Variants in MAST2 observed in about 807,000 individuals in gnomAD.
MAST2 encodes the protein microtubule associated serine/threonine kinase 2.
Under a neutral mutation model 147.4 loss-of-function variants are expected in MAST2, and 70 were observed. That is an observed-to-expected ratio of 0.47 (90% CI 0.39 to 0.58). The LOEUF (loss-of-function observed/expected upper bound fraction) is 0.58, where lower values mean the gene tolerates loss of function less well. Among genes scored for constraint, MAST2 ranks in the 20% least tolerant of loss-of-function variants. The pLI is 0.00. For missense variants in MAST2, 2,080 were observed against 2,302.3 expected (o/e 0.90, Z 1.98); for synonymous variants, 869 against 896.8 (o/e 0.97, Z 0.55).
chr1:46,028,664 A>C (rs914631557), intron 17 of MAST2, 104 bp from the exon 18 acceptor site: 89 of 1,231,202 alleles, frequency 7.2e-5, no homozygotes, highest in Non-Finnish European at 8.4e-5. Context: ...CTGAGTCTTC[A>C]TTCAGAGATT....
chr1:45,945,070 C>CA, intron 4 of MAST2, among the ~76,000 whole-genome samples: 1 of 152,210 alleles, frequency 6.6e-6, no homozygotes, highest in East Asian at 1.9e-4. Context: ...GAGACTGAGG[C>CA]AGGAGGGTCA....
At chr1:45,974,122 G>A (rs929214175) in intron 5 of MAST2, among the ~76,000 whole-genome samples, 9 of 152,122 alleles carry the variant, frequency 5.9e-5, no homozygotes, top group Non-Finnish European at 1.3e-4. Flanking sequence ...CAAGAGAAAG[G>A]AGAATGGCTG....
intron 4 of MAST2, among the ~76,000 whole-genome samples, chr1:45,939,499 G>A (rs938074589): frequency 6.9e-6 from 1 of 145,914 alleles, no homozygotes; most frequent in South Asian, 2.2e-4. Flanking sequence ...TGGGTGCTTT[G>A]TGTTGCTATA....
At chr1:45,962,331 C>T (rs373398085) in intron 5 of MAST2, among the ~76,000 whole-genome samples, 2 of 151,944 alleles carry the variant, frequency 1.3e-5, no homozygotes, top group Non-Finnish European at 2.9e-5. Flanking sequence ...TTCTAGATCC[C>T]TGAGGAATCG....
chr1:45,985,576 A>G lies in MAST2; in HGVS notation c.593-12148A>G, dbSNP rs191708763. On this transcript the variant is annotated intron_variant, in intron 5 of 28. Transcript: ENST00000361297. ...TAGAATTTTATCTAAATGGAGTTAT[A>G]TAGTATGTACTGTGTTTTTTGTCTG... Among the ~76,000 whole-genome samples the G allele has an allele frequency of 5.9e-5, 9 of 152,338 alleles. No homozygotes were observed. In the East Asian group the frequency reaches 1.5e-3, roughly 26 times the overall value.
intron 4 of MAST2, among the ~76,000 whole-genome samples, chr1:45,951,292 AAAG>A (rs773584338): frequency 2.3e-4 from 35 of 152,006 alleles, no homozygotes; most frequent in African/African-American, 1.9e-4. Flanking sequence ...TAAGAATATA[AAAG>A]AAGGAGGCTG....
intron 4 of MAST2, among the ~76,000 whole-genome samples, chr1:45,885,235 T>C (rs1045683896): frequency 2.0e-5 from 3 of 152,180 alleles, no homozygotes; most frequent in African/African-American, 4.8e-5. Context: ...TTGCCTTTCT[T>C]AGAATGGTTC....
intron 3 of MAST2, among the ~76,000 whole-genome samples, chr1:45,836,048 A>C (rs560922775): frequency 1.4e-3 from 219 of 152,264 alleles, no homozygotes; most frequent in Non-Finnish European, 2.2e-3. Context: ...GCCATTGTGA[A>C]TAGTACTGCT....
intron 10 of MAST2, among the ~76,000 whole-genome samples, chr1:46,015,016 G>A (rs1209716074): frequency 6.6e-6 from 1 of 151,748 alleles, no homozygotes; most frequent in Non-Finnish European, 1.5e-5. Context: ...TCAGGATTAA[G>A]AAACTCACTC....
At chr1:46,024,214 T>C in intron 15 of MAST2, 1 of 515,164 alleles carries the variant, frequency 1.9e-6, no homozygotes, top group Non-Finnish European at 3.5e-6. Context: ...GGCCAGCAGC[T>C]ATAGAATCTT....
intron 10 of MAST2, among the ~76,000 whole-genome samples, chr1:46,015,801 G>C (rs920949025): frequency 6.6e-6 from 1 of 152,166 alleles, no homozygotes; most frequent in Admixed American, 6.5e-5. Flanking sequence ...TAGAAAAAGA[G>C]GGAATCCTCC....
intron 18 of MAST2, chr1:46,029,175 T>G (rs1024755931): frequency 1.6e-5 from 9 of 553,148 alleles, no homozygotes; most frequent in African/African-American, 1.5e-4. Context: ...ACCTGGGTGT[T>G]CCTGTCTGTG....
chr1:45,837,825 C>T (rs1014359870), intron 3 of MAST2, among the ~76,000 whole-genome samples: 1 of 152,128 alleles, frequency 6.6e-6, no homozygotes, highest in African/African-American at 2.4e-5. Context: ...GTTGCCCAGG[C>T]TAAAGTGCCG....
chr1:45,859,405 G>A (rs1212598710), intron 3 of MAST2, among the ~76,000 whole-genome samples: 1 of 152,164 alleles, frequency 6.6e-6, no homozygotes, highest in African/African-American at 2.4e-5. Flanking sequence ...TGGCCCTTGA[G>A]CTGGGTTTTG....
At chr1:45,877,990 G>C (rs1012266437) in intron 3 of MAST2, among the ~76,000 whole-genome samples, 2 of 152,148 alleles carry the variant, frequency 1.3e-5, no homozygotes, top group African/African-American at 4.8e-5. Context: ...GATCACCTGA[G>C]GTCAGGAGTT....
chr1:45,872,482 G>GTTT (rs796554757), intron 3 of MAST2, among the ~76,000 whole-genome samples: 1 of 140,712 alleles, frequency 7.1e-6, no homozygotes, highest in Admixed American at 7.2e-5. Flanking sequence ...CCATTTCGTG[G>GTTT]TTTTTTTTTT....
chr1:46,034,835 C>CA lies in MAST2; in HGVS notation c.4167dup (p.Arg1390ThrfsTer20). On this transcript the variant is annotated frameshift_variant, in exon 29 of 29. Coordinates refer to ENST00000361297, the MANE Select transcript of MAST2 (RefSeq NM_015112.3). LOFTEE classifies it low-confidence loss of function (END_TRUNC). Reference sequence around the variant, plus strand: ...TCACCTCCCCTGGGCAGGCAACTCTCACGGCCCAAGAGTGCGGAGCCACCC... The same window carrying CA: ...TCACCTCCCCTGGGCAGGCAACTCTCAACGGCCCAAGAGTGCGGAGCCACCC... 2 of 1,614,234 alleles carry CA rather than the reference C, an allele frequency of 1.2e-6. No individual in the cohort carries two copies. The highest frequency in any genetic ancestry group is 1.7e-6 in the Non-Finnish European group (2 of 1,180,044).
chr1:45,943,848 A>C (rs1657669422), intron 4 of MAST2, among the ~76,000 whole-genome samples: 1 of 152,238 alleles, frequency 6.6e-6, no homozygotes, highest in Non-Finnish European at 1.5e-5. Context: ...GGGAAATAAC[A>C]CTACTGATAG....
At chr1:45,965,146 G>T (rs1660989377) in intron 5 of MAST2, among the ~76,000 whole-genome samples, 1 of 152,154 alleles carries the variant, frequency 6.6e-6, no homozygotes, top group African/African-American at 2.4e-5. Context: ...CAACTATGTG[G>T]TCAATTTTGG....
Sources: gnomAD v4.1 joint callset for allele counts (sites outside exome capture counted in the v4.1 genomes callset) on GRCh38, gnomAD v4.1.1 for gene constraint, MANE v1.5 for transcripts, NCBI Gene and HGNC (gene_info 2026-07-23, HGNC 2026-07-21) for gene names.